Variants in WDR17 observed in about 807,000 individuals in gnomAD.
WDR17 encodes the protein WD repeat-containing protein 17.
Under a neutral mutation model 161.7 loss-of-function variants are expected in WDR17, and 143 were observed. The ratio of observed to expected loss-of-function variants is 0.88; its 90% CI spans 0.77 to 1.02. WDR17 has a LOEUF of 1.02. Among genes scored for constraint, WDR17 ranks in the 50% least tolerant of loss-of-function variants. WDR17 has a pLI of 0.00. For synonymous variants in WDR17, 517 were observed against 515.6 expected, an observed-to-expected ratio of 1.00 and a Z score of -0.04; for missense variants, 1,469 against 1,520.9, an observed-to-expected ratio of 0.97 and a Z score of 0.57.
chr4:176,145,371 T>C (rs1746000387), intron 11 of WDR17, among the ~76,000 whole-genome samples: 1 of 152,194 alleles, frequency 6.6e-6, no homozygotes, highest in African/African-American at 2.4e-5. Context: ...TCAAATTCTA[T>C]TTCCAGGGGC....
At chr4:176,135,303 A>G in intron 8 of WDR17, 27 bp downstream of exon 8, 1 of 1,606,334 alleles carries the variant, frequency 6.2e-7, no homozygotes, top group South Asian at 1.1e-5. Context: ...TGAAATTAGG[A>G]ATACAATGAA....
intron 2 of WDR17, among the ~76,000 whole-genome samples, chr4:176,112,863 T>G (rs960574266): frequency 6.6e-6 from 1 of 152,136 alleles, no homozygotes; most frequent in Non-Finnish European, 1.5e-5. Flanking sequence ...TTATTTTAGT[T>G]AAGACTATCT....
chr4:176,140,852 G>A (rs541366450), intron 10 of WDR17, among the ~76,000 whole-genome samples: 2 of 152,192 alleles, frequency 1.3e-5, no homozygotes, highest in Non-Finnish European at 2.9e-5. Flanking sequence ...CTAATTGATA[G>A]ATACCAAAAT....
chr4:176,145,508 CT>C lies in WDR17; in HGVS notation c.1530-484del, dbSNP rs552222251. Among the ~76,000 whole-genome samples, 233 of 152,296 alleles carry C rather than the reference CT, an allele frequency of 1.5e-3. 2 individuals carry two copies. The highest frequency in any genetic ancestry group is 5.2e-3 in the African/African-American group (218 of 41,588). On this transcript the variant is annotated intron_variant, in intron 11 of 28. Coordinates refer to ENST00000508596, the MANE Select transcript of WDR17 (RefSeq NM_181265.4). ...GTCTGCAGGGAGCTTTTCCAGAAAA[CT>C]TTCAGTGAGAATACTGTTGTTTGTA...
chr4:176,077,202 G>T (rs1202810364), intron 1 of WDR17, among the ~76,000 whole-genome samples: 1 of 139,862 alleles, frequency 7.1e-6, no homozygotes, highest in African/African-American at 2.8e-5. Flanking sequence ...TGTAGTCACT[G>T]AGTAAATATA....
In WDR17 at chr4:176,177,152, A is replaced by C; in HGVS notation, c.3544A>C (p.Asn1182His). The change falls in exon 27 of 29, where the codon AAC (asparagine) becomes CAC (histidine). Residue 1182 changes from asparagine (N) to histidine (H), a missense_variant. Physicochemically the swap from Asn to His is moderately conservative, Grantham distance 68. Transcript: ENST00000508596. ...ATGGAGAGCTTGCACACAGTCCACC[A>C]ACAGGTGAGCAAATATGATATAAAA... ...DAWRACTQSTNRSLEDSPYTP... is the reference protein window; with the variant it reads ...DAWRACTQSTHRSLEDSPYTP... 6.2e-7 allele frequency: 1 copy of C among 1,612,146 alleles called. No homozygotes were observed. The highest frequency in any genetic ancestry group is 8.5e-7 in the Non-Finnish European group (1 of 1,178,514).
chr4:176,121,910 T>C (rs1404049460), intron 4 of WDR17, among the ~76,000 whole-genome samples: 1 of 152,206 alleles, frequency 6.6e-6, no homozygotes, highest in Non-Finnish European at 1.5e-5. Flanking sequence ...TAACCCAATC[T>C]TCCAGTTGTT....
chr4:176,125,490 A>G (rs1742312107), intron 5 of WDR17, 135 bp downstream of exon 5: 1 of 1,087,448 alleles, frequency 9.2e-7, no homozygotes, highest in African/African-American at 1.6e-5. Flanking sequence ...GTAGTAAATT[A>G]CTAGTGTACT....
chr4:176,120,013 A>G lies in WDR17; in HGVS notation c.454A>G (p.Ile152Val). 6.2e-6 allele frequency: 10 copies of G among 1,614,028 alleles called. No individual in the cohort carries two copies. Among genetic ancestry groups the G allele is most frequent in the Non-Finnish European group, 8.5e-6 (10 of 1,180,000 alleles). Residue 152 changes from isoleucine (I) to valine (V), a missense_variant, in exon 4 of 29, where the codon ATC (isoleucine) becomes GTC (valine). Transcript: ENST00000508596. ...AGATGCTCATAGCTTCTTGTCTGAT[A>G]TCTGTATGTTCAGATGGCATACACA... ...HKDAHSFLSD[I>V]CMFRWHTHQK...
At chr4:176,078,053 A>G (rs1012533545) in intron 1 of WDR17, among the ~76,000 whole-genome samples, 12 of 152,106 alleles carry the variant, frequency 7.9e-5, no homozygotes, top group Admixed American at 2.0e-4. Context: ...CTTTTTGTCT[A>G]TATTATTCTA....
chr4:176,176,265 G>A (rs1297082576), intron 26 of WDR17, among the ~76,000 whole-genome samples: 1 of 152,102 alleles, frequency 6.6e-6, no homozygotes, highest in Non-Finnish European at 1.5e-5. Flanking sequence ...CTAAGTTTAG[G>A]GAATGTGTTA....
intron 1 of WDR17, among the ~76,000 whole-genome samples, chr4:176,099,044 C>T (rs1737369673): frequency 6.6e-6 from 1 of 151,960 alleles, no homozygotes; most frequent in Non-Finnish European, 1.5e-5. Flanking sequence ...GAGTTAAAGT[C>T]AAAATGTATT....
chr4:176,161,119 G>A (rs1004161882), intron 20 of WDR17, 117 bp downstream of exon 20: 37 of 686,416 alleles, frequency 5.4e-5, no homozygotes, highest in Middle Eastern at 2.6e-4. Context: ...TGCCTCAACC[G>A]CATTCCTCAC....
At chr4:176,145,325 C>T (rs1229814542) in intron 11 of WDR17, among the ~76,000 whole-genome samples, 2 of 152,160 alleles carry the variant, frequency 1.3e-5, no homozygotes, top group Non-Finnish European at 2.9e-5. Flanking sequence ...CTTATTCTCA[C>T]TATTGTGAGA....
chr4:176,122,286 T>C (rs73018066), intron 4 of WDR17, among the ~76,000 whole-genome samples: 2,755 of 152,304 alleles, frequency 0.018, 93 homozygotes, highest in African/African-American at 0.062. Flanking sequence ...GATTAAGCTC[T>C]ACCCTAAGGG....
chr4:176,145,987 T>C lies in WDR17; in HGVS notation c.1530-8T>C. ...TCCTATGTCAATATTCCATTGATGA[T>C]ATTTCAGAGACATGATAGCCACTGG... On this transcript the variant is annotated splice_region_variant and splice_polypyrimidine_tract_variant and intron_variant, in intron 11 of 28. Coordinates refer to ENST00000508596, the MANE Select transcript of WDR17 (RefSeq NM_181265.4). The C allele has an allele frequency of 2.5e-6, 4 of 1,610,800 alleles. No homozygotes were observed. The highest frequency in any genetic ancestry group is 3.4e-6 in the Non-Finnish European group (4 of 1,177,456).
At chr4:176,127,614 T>C (rs1404825422) in intron 5 of WDR17, among the ~76,000 whole-genome samples, 1 of 152,118 alleles carries the variant, frequency 6.6e-6, no homozygotes, top group Admixed American at 6.6e-5. Flanking sequence ...ACGGAAATTG[T>C]TTTGTATTTT....
intron 1 of WDR17, among the ~76,000 whole-genome samples, chr4:176,085,142 TCTG>T (rs1735269249): frequency 2.0e-5 from 3 of 152,136 alleles, no homozygotes; most frequent in Admixed American, 2.0e-4. Context: ...ATAAAAAAAA[TCTG>T]CTAGGATTTT....
chr4:176,101,377 A>C (rs1737802263), intron 1 of WDR17, among the ~76,000 whole-genome samples: 1 of 152,134 alleles, frequency 6.6e-6, no homozygotes, highest in South Asian at 2.1e-4. Context: ...ACTTTCTTTT[A>C]TGTAGTTCAT....
Sources: gnomAD v4.1 joint callset for allele counts (sites outside exome capture counted in the v4.1 genomes callset) on GRCh38, gnomAD v4.1.1 for gene constraint, MANE v1.5 for transcripts, NCBI Gene and HGNC (gene_info 2026-07-23, HGNC 2026-07-21) for gene names.